Variants in DOCK1 observed in about 807,000 individuals in gnomAD.
DOCK1 encodes the protein dedicator of cytokinesis protein 1.
In DOCK1, 138 loss-of-function variants were observed where a neutral mutation model predicts 262.7. That is an observed-to-expected ratio of 0.53 (90% confidence interval 0.46 to 0.61). The LOEUF is 0.61. Ranked by LOEUF, DOCK1 falls within the 20% of genes least tolerant of loss-of-function variation. The pLI is 0.00. For missense variants in DOCK1, 1,908 were observed against 2,370.7 expected (o/e 0.80, Z 4.05); for synonymous variants, 866 against 867.4 (o/e 1.00, Z 0.03).
chr10:127,030,508 CAGAG>C (rs1286114991), intron 16 of DOCK1, among the ~76,000 whole-genome samples: 3 of 152,218 alleles, frequency 2.0e-5, no homozygotes, highest in Non-Finnish European at 4.4e-5. Context: ...TCCAGCTTCT[CAGAG>C]AGATGTCTTC....
chr10:127,188,382 T>C (rs1453180069), intron 27 of DOCK1, among the ~76,000 whole-genome samples: 6 of 152,258 alleles, frequency 3.9e-5, no homozygotes, highest in African/African-American at 1.2e-4. Context: ...ATTCACACTT[T>C]TTTTTATGTA....
intron 23 of DOCK1, among the ~76,000 whole-genome samples, chr10:127,090,146 G>C (rs1372600780): frequency 1.3e-5 from 2 of 151,984 alleles, no homozygotes; most frequent in Non-Finnish European, 2.9e-5. Context: ...TTTTTTCCTG[G>C]GCAGGTTCTA....
At chr10:126,918,140 C>T (rs1459194437) in intron 1 of DOCK1, among the ~76,000 whole-genome samples, 1 of 152,228 alleles carries the variant, frequency 6.6e-6, no homozygotes, top group Non-Finnish European at 1.5e-5. Context: ...CCGGGATTGC[C>T]AGTGCAGTGG....
chr10:127,176,073 G>A lies in DOCK1; in HGVS notation c.2847+48309G>A, dbSNP rs770566069. ...CTGGTAACACTTCTTAAGGTCGGGC[G>A]AGGTCTGCACGCCTGTGCTCTTGGT... On this transcript the variant is annotated intron_variant, in intron 27 of 51. Coordinates refer to ENST00000623213, the MANE Select transcript of DOCK1 (RefSeq NM_001290223.2). This position sits in a 1 kb window ranked among gnomAD's most constrained non-coding sequence, Gnocchi z 4.4. 4.7e-5 allele frequency: 76 copies of A among 1,614,008 alleles called. No homozygotes were observed. Among genetic ancestry groups the A allele is most frequent in the Non-Finnish European group, 5.8e-5 (68 of 1,180,036 alleles).
chr10:127,028,439 A>G (rs1362404466), intron 16 of DOCK1, among the ~76,000 whole-genome samples: 1 of 152,210 alleles, frequency 6.6e-6, no homozygotes, highest in African/African-American at 2.4e-5. Context: ...CAAGATTCCC[A>G]TGTGGTATCA....
At chr10:127,143,081 CTGTT>C (rs2051427839) in intron 27 of DOCK1, among the ~76,000 whole-genome samples, 1 of 152,206 alleles carries the variant, frequency 6.6e-6, no homozygotes, top group African/African-American at 2.4e-5. Context: ...AGCTTATTCT[CTGTT>C]TGTCTCATGC....
chr10:126,906,004 G>T (rs1429521970), intron 1 of DOCK1, among the ~76,000 whole-genome samples: 1 of 152,128 alleles, frequency 6.6e-6, no homozygotes, highest in Non-Finnish European at 1.5e-5. Flanking sequence ...CCCGCGTCCG[G>T]GCTCTGGGTG....
chr10:127,130,201 G>A (rs563971426), intron 27 of DOCK1, among the ~76,000 whole-genome samples: 3 of 150,570 alleles, frequency 2.0e-5, no homozygotes, highest in South Asian at 2.1e-4. Context: ...CTTGTGCCTC[G>A]GACTCCCGAG....
intron 48 of DOCK1, among the ~76,000 whole-genome samples, chr10:127,438,641 T>C (rs771161601): frequency 2.0e-5 from 3 of 152,234 alleles, no homozygotes; most frequent in Non-Finnish European, 4.4e-5. Context: ...TTCTTTGCAT[T>C]GACGTCTATT....
chr10:127,247,278 G>A (rs1223525634), intron 27 of DOCK1, among the ~76,000 whole-genome samples: 2 of 151,820 alleles, frequency 1.3e-5, no homozygotes, highest in Admixed American at 6.6e-5. Context: ...TTTCCACCCA[G>A]CTCCGTCTGG....
chr10:127,098,892 C>T (rs577804225), intron 23 of DOCK1, among the ~76,000 whole-genome samples: 1 of 152,230 alleles, frequency 6.6e-6, no homozygotes, highest in South Asian at 2.1e-4. Context: ...AGCAGCCAGA[C>T]TCCACAGAGG....
At chr10:127,328,598 G>A (rs1365342453) in intron 29 of DOCK1, among the ~76,000 whole-genome samples, 1 of 151,952 alleles carries the variant, frequency 6.6e-6, no homozygotes, top group Non-Finnish European at 1.5e-5. Flanking sequence ...CGGCAGGGAC[G>A]CCAGGGACGG....
At chr10:127,044,449 C>T (rs562180973) in intron 21 of DOCK1, among the ~76,000 whole-genome samples, 4 of 152,258 alleles carry the variant, frequency 2.6e-5, no homozygotes, top group African/African-American at 9.6e-5. Context: ...ATTTTGTTCG[C>T]TGAGTGGAGA....
At chr10:127,222,492 A>C (rs1237060250) in intron 27 of DOCK1, among the ~76,000 whole-genome samples, 1 of 152,230 alleles carries the variant, frequency 6.6e-6, no homozygotes, top group Non-Finnish European at 1.5e-5. Flanking sequence ...AAAACGGTTG[A>C]ATCAGAGTAT....
intron 29 of DOCK1, among the ~76,000 whole-genome samples, chr10:127,279,640 T>C (rs1293567776): frequency 6.6e-6 from 1 of 152,208 alleles, no homozygotes; most frequent in Non-Finnish European, 1.5e-5. Flanking sequence ...TCTACAGGGC[T>C]GGTCCTCACC....
rs2039703761 is a variant in DOCK1 at position 126,990,354 on chromosome 10, T to C, written c.325-101T>C. Reference sequence around the variant, plus strand: ...ACATTAACTAAATCTCATGATCTAGTGCTTATACCTCATGCGTATTTGAAG... The same window carrying C: ...ACATTAACTAAATCTCATGATCTAGCGCTTATACCTCATGCGTATTTGAAG... On this transcript the variant is annotated intron_variant, in intron 5 of 51. Transcript: ENST00000623213. 4 of 1,161,104 alleles carry C rather than the reference T, an allele frequency of 3.4e-6. No individual in the cohort carries two copies. In the African/African-American group the frequency reaches 6.2e-5, roughly 18 times the overall value. 71.9% of individuals were successfully genotyped at this position (1,161,104 alleles called of 1,614,324 possible).
At chr10:127,056,353 T>A (rs1005632325) in intron 22 of DOCK1, among the ~76,000 whole-genome samples, 4 of 151,960 alleles carry the variant, frequency 2.6e-5, no homozygotes, top group African/African-American at 9.7e-5. Context: ...TACAGGCAGG[T>A]GCCAGCATGC....
Position 127,404,438 on chromosome 10 carries a change from TG to T in DOCK1, c.4122+11del, listed in dbSNP as rs1365551089. The stretch of plus-strand genomic sequence containing the variant: ...TCCCCACATTCCTGCGGGTAAAGTT[TG>T]GTTCTGCCTAATCTGAGCCATGATT... On this transcript the variant is annotated intron_variant, in intron 40 of 51. Coordinates refer to ENST00000623213, the MANE Select transcript of DOCK1 (RefSeq NM_001290223.2). The T allele has an allele frequency of 6.2e-7, 1 of 1,610,610 alleles. No homozygotes were observed. Among genetic ancestry groups the T allele is most frequent in the African/African-American group, 1.3e-5 (1 of 75,008 alleles).
intron 29 of DOCK1, among the ~76,000 whole-genome samples, chr10:127,267,251 C>A (rs931679233): frequency 6.3e-4 from 96 of 152,184 alleles, no homozygotes; most frequent in African/African-American, 2.3e-3. Flanking sequence ...AACTGACCTA[C>A]GACCAAATGC....
Sources: gnomAD v4.1 joint callset for allele counts (sites outside exome capture counted in the v4.1 genomes callset) on GRCh38, gnomAD v4.1.1 for gene constraint, Gnocchi (gnomAD v3.1) non-coding constraint, MANE v1.5 for transcripts, NCBI Gene and HGNC (gene_info 2026-07-23, HGNC 2026-07-21) for gene names.